ARHGAP6: variants seen among roughly 807,000 people sequenced by gnomAD.
The protein encoded by ARHGAP6 is Rho GTPase activating protein 6, also known as rho GTPase-activating protein 6.
A neutral mutation model predicts 55.7 loss-of-function variants in ARHGAP6; 16 were observed. The ratio of observed to expected loss-of-function variants is 0.29; its 90% CI spans 0.19 to 0.44. The LOEUF is 0.44. Among genes scored for constraint, ARHGAP6 ranks in the 20% least tolerant of loss-of-function variants. The probability of loss-of-function intolerance (pLI) is 1.00; values close to 1 mark genes in which losing one functional copy is unlikely to be tolerated. For missense variants in ARHGAP6, 698 were observed against 808.9 expected (o/e 0.86, Z 1.66); for synonymous variants, 382 against 360.9 (o/e 1.06, Z -0.66).
At chrX:11,627,934 T>C (rs961224435) in intron 1 of ARHGAP6, among the ~76,000 whole-genome samples, 32 of 111,806 alleles carry the variant, frequency 2.9e-4, no homozygotes, top group African/African-American at 1.0e-3. Context: ...AAAACTACTG[T>C]TTCCAAAAAA....
chrX:11,413,243 TTTTTG>T (rs1314637720), intron 1 of ARHGAP6, among the ~76,000 whole-genome samples: 1 of 112,300 alleles, frequency 8.9e-6, no homozygotes, highest in Non-Finnish European at 1.9e-5. Flanking sequence ...AAGCCATGGT[TTTTTG>T]AACCTCAGTG....
At chrX:11,365,224 C>T (rs2049060378) in intron 1 of ARHGAP6, among the ~76,000 whole-genome samples, 1 of 112,252 alleles carries the variant, frequency 8.9e-6, no homozygotes, top group East Asian at 2.8e-4. Context: ...CAGAGCAGGA[C>T]AGAGCCTGCA....
At chrX:11,387,393 T>G (rs1271874082) in intron 1 of ARHGAP6, among the ~76,000 whole-genome samples, 1 of 111,465 alleles carries the variant, frequency 9.0e-6, no homozygotes, top group Non-Finnish European at 1.9e-5. Context: ...AGAGTAAATG[T>G]GAGGTCCCAT....
intron 1 of ARHGAP6, among the ~76,000 whole-genome samples, chrX:11,492,521 TAAAC>T (rs2050581618): frequency 1.8e-5 from 2 of 111,609 alleles, no homozygotes; most frequent in South Asian, 3.7e-4. Context: ...AATGAACAGC[TAAAC>T]AAACAGAGGT....
chrX:11,452,715 T>C (rs1344375738), intron 1 of ARHGAP6, among the ~76,000 whole-genome samples: 1 of 111,850 alleles, frequency 8.9e-6, no homozygotes, highest in Non-Finnish European at 1.9e-5. Context: ...TCTGCTCACA[T>C]ACCATGACAG....
chrX:11,163,273 C>G (rs1569236587), intron 9 of ARHGAP6, among the ~76,000 whole-genome samples: 4 of 112,100 alleles, frequency 3.6e-5, no homozygotes. Flanking sequence ...ATAAAACTGT[C>G]ACAATTAAAA....
intron 1 of ARHGAP6, among the ~76,000 whole-genome samples, chrX:11,453,326 A>G (rs1481250131): frequency 2.0e-5 from 2 of 101,431 alleles, no homozygotes; most frequent in Non-Finnish European, 3.9e-5. Flanking sequence ...TATAGCATAT[A>G]TATATATAAT....
At chrX:11,491,259 C>A (rs899014610) in intron 1 of ARHGAP6, among the ~76,000 whole-genome samples, 3 of 111,591 alleles carry the variant, frequency 2.7e-5, no homozygotes, top group Non-Finnish European at 5.6e-5. Context: ...GGTACATGCA[C>A]ACAATGTGCA....
At chrX:11,507,244 G>A (rs761375118) in intron 1 of ARHGAP6, among the ~76,000 whole-genome samples, 6 of 109,706 alleles carry the variant, frequency 5.5e-5, no homozygotes, top group Admixed American at 9.7e-5. Context: ...AAATAAGGGC[G>A]GTTATTGGCT....
At chrX:11,167,335 A>ATG (rs1052279159) in intron 9 of ARHGAP6, among the ~76,000 whole-genome samples, 34 of 109,240 alleles carry the variant, frequency 3.1e-4, no homozygotes, top group East Asian at 8.6e-4. Context: ...GGGAGTGATG[A>ATG]TGTGTGTGTG....
intron 1 of ARHGAP6, among the ~76,000 whole-genome samples, chrX:11,449,797 C>A (rs757072029): frequency 3.6e-5 from 4 of 111,912 alleles, no homozygotes; most frequent in African/African-American, 9.8e-5. Flanking sequence ...TGATTTGTAG[C>A]TGACTGGCAT....
chrX:11,556,350 A>G (rs1390612517), intron 1 of ARHGAP6, among the ~76,000 whole-genome samples: 1 of 111,903 alleles, frequency 8.9e-6, no homozygotes, highest in African/African-American at 3.3e-5. Flanking sequence ...TTAAGGGTAC[A>G]TCTGACTTTC....
At chrX:11,617,557 A>G (rs980443572) in intron 1 of ARHGAP6, among the ~76,000 whole-genome samples, 5 of 111,674 alleles carry the variant, frequency 4.5e-5, no homozygotes, top group Non-Finnish European at 9.4e-5. Flanking sequence ...TAAGTTAAGG[A>G]CCTTGAAATG....
chrX:11,450,348 G>C (rs761339876), intron 1 of ARHGAP6, among the ~76,000 whole-genome samples: 1 of 111,700 alleles, frequency 9.0e-6, no homozygotes, highest in East Asian at 2.8e-4. Flanking sequence ...TCAACATATG[G>C]TGTTCAAACT....
At chrX:11,335,759 T>A in intron 1 of ARHGAP6, 1 of 305,985 alleles carries the variant, frequency 3.3e-6, no homozygotes, top group South Asian at 3.5e-5. Flanking sequence ...CTTAAAGGCT[T>A]TGGTGGTTCC....
rs55669123 is a variant in ARHGAP6 at position 11,153,524 on chromosome X, C to CAAA, written c.1907+3002_1907+3004dup. Among the ~76,000 whole-genome samples, 63 of 20,048 alleles carry CAAA rather than the reference C, an allele frequency of 3.1e-3. 1 individual carries two copies. The highest frequency in any genetic ancestry group is 6.8e-3 in the African/African-American group (33 of 4,836). The allele number at this position is 20,048 out of a possible 115,157, so 17.4% of individuals were successfully genotyped here. Reference sequence around the variant, plus strand: ...TGGGTGACAGAGCGAGACTCGATCTCAAAAAAAAAAAAAAAAAAAAAAAAA... The same window carrying CAAA: ...TGGGTGACAGAGCGAGACTCGATCTCAAAAAAAAAAAAAAAAAAAAAAAAAAAA... On this transcript the variant is annotated intron_variant, in intron 10 of 12. Transcript: ENST00000337414.
intron 1 of ARHGAP6, among the ~76,000 whole-genome samples, chrX:11,358,024 C>T (rs1603122840): frequency 9.0e-6 from 1 of 111,613 alleles, no homozygotes; most frequent in East Asian, 2.8e-4. Flanking sequence ...AATCCATACC[C>T]ATTAACAGTT....
At chrX:11,278,978 C>A (rs968426158) in intron 1 of ARHGAP6, among the ~76,000 whole-genome samples, 1 of 111,497 alleles carries the variant, frequency 9.0e-6, no homozygotes, top group African/African-American at 3.3e-5. Flanking sequence ...AGCCAAGGTG[C>A]AGCTTGGCAA....
intron 1 of ARHGAP6, among the ~76,000 whole-genome samples, chrX:11,449,271 G>A (rs763704409): frequency 7.2e-5 from 8 of 111,692 alleles, no homozygotes; most frequent in Admixed American, 1.9e-4. Context: ...CCCCACCTTC[G>A]CAAGCCCCAA....
Sources: gnomAD v4.1 joint callset for allele counts (sites outside exome capture counted in the v4.1 genomes callset) on GRCh38, gnomAD v4.1.1 for gene constraint, MANE v1.5 for transcripts, NCBI Gene and HGNC (gene_info 2026-07-23, HGNC 2026-07-21) for gene names.